The following CASQ2 variants were observed in gnomAD, a reference collection of about 807,000 sequenced individuals.
The protein encoded by CASQ2 is calsequestrin-2.
CASQ2 carries 49 observed loss-of-function variants against 46.5 expected under a neutral mutation model. That is an observed-to-expected ratio of 1.05 (90% CI 0.84 to 1.34). CASQ2 has a LOEUF of 1.34. Among genes scored for constraint, CASQ2 ranks in the 40% most tolerant of loss-of-function variants. The pLI, the probability that CASQ2 is intolerant of heterozygous loss-of-function variation, is 0.00. For synonymous variants in CASQ2, 174 were observed against 168.5 expected (o/e 1.03, Z -0.25); for missense variants, 486 against 481.3 (o/e 1.01, Z -0.09).
chr1:115,756,607 CT>C (rs1648769362), intron 1 of CASQ2, among the ~76,000 whole-genome samples: 2 of 152,114 alleles, frequency 1.3e-5, no homozygotes. Flanking sequence ...TATAATATTT[CT>C]GCAGTGGTGA....
At chr1:115,761,835 TA>T (rs200259000) in intron 1 of CASQ2, among the ~76,000 whole-genome samples, 4,078 of 152,230 alleles carry the variant, frequency 0.027, 221 homozygotes, top group African/African-American at 0.093. Flanking sequence ...GCTTAATAGA[TA>T]ATCTGCATGA....
chr1:115,740,597 T>G (rs1648141468), intron 3 of CASQ2, 131 bp downstream of exon 3: 6 of 690,640 alleles, frequency 8.7e-6, no homozygotes, highest in African/African-American at 1.8e-5. Flanking sequence ...CTCCTTAGTT[T>G]TTTGTGAATC....
chr1:115,704,985 G>C (rs184093711), intron 9 of CASQ2, among the ~76,000 whole-genome samples: 1 of 152,322 alleles, frequency 6.6e-6, no homozygotes, highest in African/African-American at 2.4e-5. Context: ...TCAACTCCTG[G>C]ACTCCAGGGA....
intron 1 of CASQ2, among the ~76,000 whole-genome samples, chr1:115,756,613 T>C (rs775585664): frequency 7.9e-5 from 12 of 152,350 alleles, no homozygotes; most frequent in Middle Eastern, 3.4e-3. Flanking sequence ...ATTTCTGCAG[T>C]GGTGACTTTC....
At chr1:115,728,283 C>T (rs1168562246) in intron 5 of CASQ2, among the ~76,000 whole-genome samples, 2 of 152,136 alleles carry the variant, frequency 1.3e-5, no homozygotes, top group Non-Finnish European at 2.9e-5. Flanking sequence ...TTCCAGGTCA[C>T]TATATTCTGA....
intron 1 of CASQ2, among the ~76,000 whole-genome samples, chr1:115,753,885 A>C (rs1648667723): frequency 6.7e-6 from 1 of 149,096 alleles, no homozygotes; most frequent in African/African-American, 2.6e-5. Flanking sequence ...TGCAGGGCCA[A>C]GAATCTGAAA....
intron 4 of CASQ2, among the ~76,000 whole-genome samples, chr1:115,736,174 A>AC (rs1204852193): frequency 6.6e-6 from 1 of 151,996 alleles, no homozygotes; most frequent in African/African-American, 2.4e-5. Flanking sequence ...GAAAAAAAAA[A>AC]AAAAAAATAG....
intron 1 of CASQ2, among the ~76,000 whole-genome samples, chr1:115,748,539 C>CTCTTATT (rs139593596): frequency 0.29 from 38,500 of 131,656 alleles, 5,624 homozygotes; most frequent in East Asian, 0.45. Flanking sequence ...ATTCAGCTTT[C>CTCTTATT]TCTTATTTCT....
chr1:115,736,129 C>T (rs568272412), intron 4 of CASQ2, among the ~76,000 whole-genome samples: 2 of 148,920 alleles, frequency 1.3e-5, no homozygotes, highest in South Asian at 4.3e-4. Context: ...CACCATTGCA[C>T]TCCAGCCTGG....
intron 5 of CASQ2, among the ~76,000 whole-genome samples, chr1:115,728,438 T>C (rs2101080589): frequency 6.6e-6 from 1 of 152,260 alleles, no homozygotes; most frequent in South Asian, 2.1e-4. Flanking sequence ...TGGAGTTTTT[T>C]CTAACTGTTT....
At chr1:115,734,042 C>T (rs1419686386) in intron 4 of CASQ2, among the ~76,000 whole-genome samples, 3 of 152,114 alleles carry the variant, frequency 2.0e-5, no homozygotes, top group South Asian at 2.1e-4. Context: ...GAGGTGAGTG[C>T]CGCAAGCACA....
rs746672938 is a variant in CASQ2 at position 115,738,324 on chromosome 1, G to A, written c.432C>T (p.Asp144=). ...LVEFLLDLIE[D]PVEIISSKLE... ...GTTTGCTGCTGATGATCTCCACTGG[G>A]TCTTCAATTAGCTGAAATGCCACAC... Residue 144 remains aspartate (D), a synonymous_variant, in exon 4 of 11, where the codon GAC becomes GAT. Coordinates refer to ENST00000261448, the MANE Select transcript of CASQ2 (RefSeq NM_001232.4). The A allele has an allele frequency of 6.2e-7, 1 of 1,605,740 alleles. No individual in the cohort carries two copies. Among genetic ancestry groups the A allele is most frequent in the African/African-American group, 1.3e-5 (1 of 74,866 alleles).
At chr1:115,758,767 A>T (rs1221220773) in intron 1 of CASQ2, among the ~76,000 whole-genome samples, 1 of 152,142 alleles carries the variant, frequency 6.6e-6, no homozygotes, top group Non-Finnish European at 1.5e-5. Context: ...TGCACACATC[A>T]GCTCCTTTTC....
At chr1:115,744,079 G>T (rs1235357668) in intron 2 of CASQ2, among the ~76,000 whole-genome samples, 1 of 151,196 alleles carries the variant, frequency 6.6e-6, no homozygotes, top group Non-Finnish European at 1.5e-5. Flanking sequence ...AGGAGGCAGA[G>T]GTTGCAGTGA....
chr1:115,718,008 G>A (rs1253028933), intron 7 of CASQ2, 114 bp from the exon 8 acceptor site: 3 of 781,246 alleles, frequency 3.8e-6, no homozygotes, highest in Non-Finnish European at 6.9e-6. Flanking sequence ...GGAGAGGTGT[G>A]GAAGCGGGGA....
intron 10 of CASQ2, 77 bp from the exon 11 acceptor site, chr1:115,701,503 G>A: frequency 1.1e-6 from 1 of 928,670 alleles, no homozygotes; most frequent in Non-Finnish European, 1.8e-6. Flanking sequence ...GTGCTGAATA[G>A]CTATGCTGAG....
At chr1:115,754,004 A>G (rs1384367831) in intron 1 of CASQ2, among the ~76,000 whole-genome samples, 1 of 152,162 alleles carries the variant, frequency 6.6e-6, no homozygotes, top group Non-Finnish European at 1.5e-5. Context: ...CTTTTCATGT[A>G]AGCCAAGAGC....
intron 9 of CASQ2, among the ~76,000 whole-genome samples, chr1:115,704,630 T>C (rs950402699): frequency 2.6e-5 from 4 of 152,178 alleles, no homozygotes; most frequent in African/African-American, 9.7e-5. Flanking sequence ...AAACTAAGTA[T>C]AATCAAAAGT....
intron 1 of CASQ2, among the ~76,000 whole-genome samples, chr1:115,761,697 G>A (rs914314198): frequency 2.0e-5 from 3 of 151,634 alleles, no homozygotes; most frequent in Non-Finnish European, 2.9e-5. Context: ...AGGGGCTCTG[G>A]CAGACTGAAA....
Sources: gnomAD v4.1 joint callset for allele counts (sites outside exome capture counted in the v4.1 genomes callset) on GRCh38, gnomAD v4.1.1 for gene constraint, MANE v1.5 for transcripts, NCBI Gene and HGNC (gene_info 2026-07-23, HGNC 2026-07-21) for gene names.